Variants in RAPGEF4 observed in about 807,000 individuals in gnomAD.
RAPGEF4 encodes Rap guanine nucleotide exchange factor 4, also known as RAP guanine-nucleotide-exchange factor (GEF) 4.
A neutral mutation model predicts 147.9 loss-of-function variants in RAPGEF4; 66 were observed. The ratio of observed to expected loss-of-function variants is 0.45; its 90% CI spans 0.37 to 0.55. The LOEUF (loss-of-function observed/expected upper bound fraction) is 0.55. RAPGEF4 is among the 20% of genes least tolerant of loss of function. The pLI is 0.00. For missense variants in RAPGEF4, 1,071 were observed against 1,257.3 expected, an observed-to-expected ratio of 0.85 and a Z score of 2.24; for synonymous variants, 419 against 442.7, an observed-to-expected ratio of 0.95 and a Z score of 0.67.
chr2:172,979,950 G>C (rs61688627), intron 10 of RAPGEF4, among the ~76,000 whole-genome samples: 11,096 of 152,282 alleles, frequency 0.073, 596 homozygotes, highest in South Asian at 0.16. Flanking sequence ...TCGGGGGGCA[G>C]AGCTTGCAGT....
At chr2:173,035,424 T>C (rs1470632350) in intron 27 of RAPGEF4, among the ~76,000 whole-genome samples, 2 of 149,288 alleles carry the variant, frequency 1.3e-5, no homozygotes, top group African/African-American at 2.5e-5. Context: ...GGCAGGAGAA[T>C]GGCGTGAACT....
chr2:172,886,912 G>A (rs1240462498), intron 4 of RAPGEF4, among the ~76,000 whole-genome samples: 2 of 152,178 alleles, frequency 1.3e-5, no homozygotes, highest in African/African-American at 2.4e-5. Flanking sequence ...AATTGGCCGG[G>A]CGCGGTGGCT....
intron 5 of RAPGEF4, among the ~76,000 whole-genome samples, chr2:172,921,034 C>G (rs1300293651): frequency 6.6e-6 from 1 of 152,128 alleles, no homozygotes; most frequent in East Asian, 1.9e-4. Flanking sequence ...TCCAAAGTCT[C>G]TTTCATCCTC....
intron 1 of RAPGEF4, among the ~76,000 whole-genome samples, chr2:172,770,289 T>C (rs1697231336): frequency 1.3e-5 from 2 of 152,074 alleles, no homozygotes; most frequent in South Asian, 4.1e-4. Context: ...TGATCAAAAA[T>C]ATGGTGGTTA....
intron 4 of RAPGEF4, among the ~76,000 whole-genome samples, chr2:172,875,063 T>C (rs1695731232): frequency 6.6e-6 from 1 of 152,240 alleles, no homozygotes; most frequent in African/African-American, 2.4e-5. Flanking sequence ...AAGTGTCTGT[T>C]CACATCCTTT....
rs1683979316 is a variant in RAPGEF4 at position 173,036,162 on chromosome 2, T to A, written c.2738T>A (p.Val913Glu). ...AACCACAGGGCCTACAGGCTGACAG[T>A]AGCTAAGCTGGAACCTCCTCTCATC... ...SRNHRAYRLT[V>E]AKLEPPLIPF... The change falls in exon 28 of 31, where the codon GTA becomes GAA. Residue 913 changes from valine to glutamate, a missense_variant. Val to Glu is a moderately radical substitution (Grantham distance 121). Coordinates refer to ENST00000397081, the MANE Select transcript of RAPGEF4 (RefSeq NM_007023.4). The A allele has an allele frequency of 6.2e-7, 1 of 1,613,040 alleles. No homozygotes were observed. Among genetic ancestry groups the A allele is most frequent in the Middle Eastern group, 1.7e-4 (1 of 5,802 alleles).
At chr2:172,739,253 TC>T (rs1341680924) in intron 1 of RAPGEF4, among the ~76,000 whole-genome samples, 1 of 152,078 alleles carries the variant, frequency 6.6e-6, no homozygotes, top group Admixed American at 6.5e-5. Flanking sequence ...ACCATTTTTT[TC>T]TGAGGGGATG....
intron 8 of RAPGEF4, 134 bp from the exon 9 acceptor site, chr2:172,965,428 C>G: frequency 2.0e-6 from 2 of 1,015,946 alleles, no homozygotes; most frequent in South Asian, 3.0e-5. Context: ...GCGTGTGGTG[C>G]TTTGTTTGCC....
chr2:172,947,196 G>A (rs1423948650), intron 6 of RAPGEF4, among the ~76,000 whole-genome samples: 1 of 152,100 alleles, frequency 6.6e-6, no homozygotes, highest in East Asian at 1.9e-4. Context: ...TGAATAAATA[G>A]GATACATTAA....
intron 4 of RAPGEF4, among the ~76,000 whole-genome samples, chr2:172,849,281 T>C (rs1575032008): frequency 1.3e-5 from 2 of 152,184 alleles, no homozygotes; most frequent in East Asian, 3.8e-4. Context: ...ACACATTGCA[T>C]TAGTTTAAAT....
intron 4 of RAPGEF4, among the ~76,000 whole-genome samples, chr2:172,831,459 G>T (rs1378572836): frequency 6.6e-6 from 1 of 151,404 alleles, no homozygotes; most frequent in African/African-American, 2.4e-5. Context: ...AGTAGAGATG[G>T]AGTTTCACCA....
At chr2:172,764,019 G>C (rs1696595210) in intron 1 of RAPGEF4, among the ~76,000 whole-genome samples, 1 of 152,084 alleles carries the variant, frequency 6.6e-6, no homozygotes, top group African/African-American at 2.4e-5. Flanking sequence ...GGGAGACCGA[G>C]ATGGGAGGAT....
chr2:172,943,665 G>T (rs2105343536), intron 6 of RAPGEF4, among the ~76,000 whole-genome samples: 1 of 152,338 alleles, frequency 6.6e-6, no homozygotes, highest in East Asian at 1.9e-4. Context: ...CTAAACAAAT[G>T]AGATAAGAAT....
intron 4 of RAPGEF4, among the ~76,000 whole-genome samples, chr2:172,833,146 A>G (rs1690541303): frequency 6.6e-6 from 1 of 150,874 alleles, no homozygotes; most frequent in Non-Finnish European, 1.5e-5. Flanking sequence ...GGAGGTTGCA[A>G]TGAGCCGAGA....
At chr2:172,934,504 A>G (rs1686338154) in intron 6 of RAPGEF4, among the ~76,000 whole-genome samples, 1 of 152,204 alleles carries the variant, frequency 6.6e-6, no homozygotes, top group Non-Finnish European at 1.5e-5. Flanking sequence ...ACTGTGTGCC[A>G]TGTAGGCTCT....
At chr2:173,037,971 T>C (rs1040071306) in intron 29 of RAPGEF4, among the ~76,000 whole-genome samples, 3 of 152,200 alleles carry the variant, frequency 2.0e-5, no homozygotes, top group Non-Finnish European at 4.4e-5. Flanking sequence ...AGTCAGCCTG[T>C]AAGGATCTGC....
At chr2:172,961,023 C>A in intron 7 of RAPGEF4, 99 bp from the exon 8 acceptor site, 2 of 1,007,130 alleles carry the variant, frequency 2.0e-6, no homozygotes, top group Non-Finnish European at 3.1e-6. Context: ...TTTTCCAAGC[C>A]AGAGTCAGAT....
chr2:172,787,029 G>A (rs937460864), intron 1 of RAPGEF4, among the ~76,000 whole-genome samples: 12 of 152,124 alleles, frequency 7.9e-5, no homozygotes, highest in African/African-American at 2.9e-4. Flanking sequence ...GGCCAACGTG[G>A]TGAAACCCCA....
chr2:172,755,400 GT>G (rs1453091661), intron 1 of RAPGEF4, among the ~76,000 whole-genome samples: 1 of 151,616 alleles, frequency 6.6e-6, no homozygotes, highest in Admixed American at 6.5e-5. Flanking sequence ...TTTAAAAACG[GT>G]TTATTTATTT....
Sources: allele counts gnomAD v4.1 joint callset (sites outside exome capture counted in the v4.1 genomes callset), GRCh38; gene constraint gnomAD v4.1.1; transcripts MANE v1.5; gene names NCBI Gene and HGNC (gene_info 2026-07-23, HGNC 2026-07-21).